MLKL: variants seen among roughly 807,000 people sequenced by gnomAD.
MLKL encodes mixed lineage kinase domain like pseudokinase, also known as mixed lineage kinase domain-like protein.
A neutral mutation model predicts 56.5 loss-of-function variants in MLKL; 55 were observed. That is an observed-to-expected ratio of 0.97 (90% CI 0.78 to 1.22). The LOEUF is 1.22. Among genes scored for constraint, MLKL ranks in the 50% most tolerant of loss-of-function variants. The pLI is 0.00. For synonymous variants in MLKL, 251 were observed against 208.3 expected (o/e 1.20, Z -1.76); for missense variants, 694 against 573.9 (o/e 1.21, Z -2.14).
Position 74,672,418 on chromosome 16 carries a change from G to T in MLKL, c.*86C>A. The T allele has an allele frequency of 7.7e-7, 1 of 1,296,620 alleles. No homozygotes were observed. Among genetic ancestry groups the T allele is most frequent in the African/African-American group, 1.5e-5 (1 of 67,856 alleles). The allele number at this position is 1,296,620 out of a possible 1,614,324, so 80.3% of individuals were successfully genotyped here. On this transcript the variant is annotated 3_prime_UTR_variant, in exon 11 of 11. Coordinates refer to ENST00000308807, the MANE Select transcript of MLKL (RefSeq NM_152649.4). ...TCCTTGCACCCATAGATAACCCAATGCCGAAGGATATGAGAGAGAGAGATG... is the reference window on the plus strand; with the variant it reads ...TCCTTGCACCCATAGATAACCCAATTCCGAAGGATATGAGAGAGAGAGATG...
At chr16:74,689,809 G>C (rs4265826) in intron 4 of MLKL, among the ~76,000 whole-genome samples, 2 of 152,134 alleles carry the variant, frequency 1.3e-5, no homozygotes, top group East Asian at 3.9e-4. Flanking sequence ...CGACTTAATA[G>C]ATGGTATAGA....
At chr16:74,694,036 T>C (rs140622604) in intron 2 of MLKL, among the ~76,000 whole-genome samples, 1 of 152,300 alleles carries the variant, frequency 6.6e-6, no homozygotes, top group Non-Finnish European at 1.5e-5. Flanking sequence ...GTAGGGTAGA[T>C]GCCAAGTAGG....
At chr16:74,696,880 C>A (rs1164813888) in intron 1 of MLKL, among the ~76,000 whole-genome samples, 1 of 148,726 alleles carries the variant, frequency 6.7e-6, no homozygotes, top group Non-Finnish European at 1.5e-5. Context: ...ATTGCTTGAA[C>A]CCAGGGGGTG....
At chr16:74,686,813 T>C (rs993708288) in intron 4 of MLKL, among the ~76,000 whole-genome samples, 3 of 152,192 alleles carry the variant, frequency 2.0e-5, no homozygotes, top group Non-Finnish European at 2.9e-5. Context: ...AAAAATCAAT[T>C]GTATTTCTAT....
At chr16:74,683,785 G>C (rs1194395710) in intron 5 of MLKL, among the ~76,000 whole-genome samples, 1 of 151,996 alleles carries the variant, frequency 6.6e-6, no homozygotes, top group African/African-American at 2.4e-5. Flanking sequence ...CATCTGTGTG[G>C]GAGGAATGAG....
intron 6 of MLKL, 61 bp downstream of exon 6, chr16:74,682,587 GGGA>G: frequency 6.3e-7 from 1 of 1,588,856 alleles, no homozygotes; most frequent in Non-Finnish European, 8.6e-7. Flanking sequence ...CACCATCTCT[GGGA>G]GTATCAGGAG....
chr16:74,682,518 A>G (rs1398803800), intron 6 of MLKL, 133 bp downstream of exon 6: 2 of 1,253,046 alleles, frequency 1.6e-6, no homozygotes, highest in African/African-American at 3.0e-5. Context: ...CTGTAATCAG[A>G]GTAAATAGTA....
chr16:74,699,083 A>T (rs1221708499), intron 1 of MLKL, among the ~76,000 whole-genome samples: 1 of 152,158 alleles, frequency 6.6e-6, no homozygotes, highest in East Asian at 1.9e-4. Context: ...ACTGTGCTCC[A>T]ACCTGGGCAA....
intron 10 of MLKL, among the ~76,000 whole-genome samples, chr16:74,674,052 A>G (rs941125112): frequency 2.0e-5 from 3 of 152,188 alleles, no homozygotes; most frequent in African/African-American, 7.2e-5. Context: ...CACTTTGGAT[A>G]AAACAATGCC....
At position 74,672,522 on chromosome 16, in the gene MLKL, G is replaced by A. The variant is rs1959293670; in HGVS notation, c.1398C>T (p.Leu466=). The A allele has an allele frequency of 6.2e-7, 1 of 1,613,858 alleles. No homozygotes were observed. The highest frequency in any genetic ancestry group is 1.3e-5 in the African/African-American group (1 of 74,898). Reference sequence around the variant, plus strand: ...TGATACACTACTTAGAAAAGGTGGAGAGTTTCTTTAAGATTTCTGTGGATG... The same window carrying A: ...TGATACACTACTTAGAAAAGGTGGAAAGTTTCTTTAAGATTTCTGTGGATG... The part of the protein sequence containing the change: ...RPSVDEILKK[L]STFSK The change falls in exon 11 of 11, where the codon CTC becomes CTT. Residue 466 remains leucine (L), a synonymous_variant. Coordinates refer to ENST00000308807, the MANE Select transcript of MLKL (RefSeq NM_152649.4).
At position 74,691,356 on chromosome 16, in the gene MLKL, T is replaced by C; in HGVS notation, c.643A>G (p.Ser215Gly). The C allele has an allele frequency of 1.9e-6, 3 of 1,614,172 alleles. No homozygotes were observed. The highest frequency in any genetic ancestry group is 1.1e-5 in the South Asian group (1 of 91,076). The change falls in exon 4 of 11, where the codon AGC (serine) becomes GGC (glycine). Residue 215 changes from serine (S) to glycine (G), a missense_variant. By Grantham distance (56) the Ser-to-Gly change is moderately conservative. Coordinates refer to ENST00000308807, the MANE Select transcript of MLKL (RefSeq NM_152649.4). The part of the protein sequence containing the change: ...PWILLRENEV[S>G]TLYKGEYHRA... ...TGGTATTCTCCTTTATAAAGTGTGC[T>C]GACTTCATTTTCCCTTAGCAGAATC... is the stretch of plus-strand genomic sequence containing the variant.
At chr16:74,691,184 T>C in intron 4 of MLKL, 93 bp downstream of exon 4, 1 of 1,236,228 alleles carries the variant, frequency 8.1e-7, no homozygotes, top group Non-Finnish European at 1.1e-6. Context: ...GGGCCCAGGC[T>C]TCCTCATCTA....
At chr16:74,691,692 C>T (rs1047416730) in intron 3 of MLKL, among the ~76,000 whole-genome samples, 1 of 152,158 alleles carries the variant, frequency 6.6e-6, no homozygotes, top group African/African-American at 2.4e-5. Flanking sequence ...CATCCACTTC[C>T]TTTCCCTCCT....
chr16:74,695,312 T>G lies in MLKL; in HGVS notation c.446A>C (p.Gln149Pro), dbSNP rs1960959106. The G allele has an allele frequency of 6.2e-7, 1 of 1,613,678 alleles. No individual in the cohort carries two copies. The highest frequency in any genetic ancestry group is 8.5e-7 in the Non-Finnish European group (1 of 1,179,766). Residue 149 changes from glutamine (Q) to proline (P), a missense_variant, in exon 2 of 11, where the codon CAG (glutamine) becomes CCG (proline). Transcript: ENST00000308807. ...ACCCAGCTTGCCTCTTCTTAGCATCTGGAAAGCTCGCCTGTCTTCGTCTGC... is the reference window on the plus strand; with the variant it reads ...ACCCAGCTTGCCTCTTCTTAGCATCGGGAAAGCTCGCCTGTCTTCGTCTGC... ...QDADEDRRAF[Q>P]MLRRDNEKIE...
At chr16:74,680,351 G>T (rs933954365) in intron 6 of MLKL, among the ~76,000 whole-genome samples, 3 of 152,178 alleles carry the variant, frequency 2.0e-5, no homozygotes, top group African/African-American at 7.2e-5. Flanking sequence ...CAAATTAATA[G>T]CTAAGACAGT....
At chr16:74,682,189 A>C (rs1960020873) in intron 6 of MLKL, among the ~76,000 whole-genome samples, 1 of 152,166 alleles carries the variant, frequency 6.6e-6, no homozygotes, top group African/African-American at 2.4e-5. Flanking sequence ...CGGGAGGTTA[A>C]GTGATCTGTG....
intron 4 of MLKL, among the ~76,000 whole-genome samples, chr16:74,690,909 A>C (rs879708298): frequency 2.0e-5 from 3 of 150,988 alleles, no homozygotes; most frequent in Admixed American, 1.3e-4. Flanking sequence ...TGAGGAAAGG[A>C]GGCAACAGAC....
chr16:74,686,230 G>A (rs1340037977), intron 4 of MLKL, among the ~76,000 whole-genome samples: 2 of 152,012 alleles, frequency 1.3e-5, no homozygotes, highest in Non-Finnish European at 2.9e-5. Context: ...CCAAAGTGCT[G>A]GGATTTCAGG....
chr16:74,686,903 T>G lies in MLKL; in HGVS notation c.723-1320A>C, dbSNP rs1960363845. On this transcript the variant is annotated intron_variant, in intron 4 of 10. Coordinates refer to ENST00000308807, the MANE Select transcript of MLKL (RefSeq NM_152649.4). ...ATAAAGAGAATAAAATACTTAGGAA[T>G]AAATTTACAAAAGAAGTGCAAGTCT... is the stretch of plus-strand genomic sequence containing the variant. 2.0e-5 allele frequency among the ~76,000 whole-genome samples: 3 copies of G among 152,254 alleles called. No homozygotes were observed. The South Asian group carries it at 6.2e-4, about 31-fold the overall frequency.
Sources: gnomAD v4.1 joint callset for allele counts (sites outside exome capture counted in the v4.1 genomes callset) on GRCh38, gnomAD v4.1.1 for gene constraint, MANE v1.5 for transcripts, NCBI Gene and HGNC (gene_info 2026-07-23, HGNC 2026-07-21) for gene names.